Variants in BANK1 observed in about 807,000 individuals in gnomAD.
The protein encoded by BANK1 is B-cell scaffold protein with ankyrin repeats.
BANK1 carries 95 observed loss-of-function variants against 94.5 expected under a neutral mutation model. That is an observed-to-expected ratio of 1.00 (90% confidence interval 0.85 to 1.19). The LOEUF is 1.19. BANK1 is among the 50% of genes most tolerant of loss of function. The pLI is 0.00. For synonymous variants in BANK1, 334 were observed against 308.4 expected, an observed-to-expected ratio of 1.08 and a Z score of -0.87; for missense variants, 987 against 932.2, an observed-to-expected ratio of 1.06 and a Z score of -0.77.
rs546167629 is a variant in BANK1 at position 101,812,209 on chromosome 4, T to A, written c.71-17599T>A. 1.2e-4 allele frequency among the ~76,000 whole-genome samples: 18 copies of A among 152,016 alleles called. 1 individual carries two copies. The highest frequency in any genetic ancestry group is 3.3e-4 in the Admixed American group (5 of 15,282). On this transcript the variant is annotated intron_variant, in intron 1 of 16. Transcript: ENST00000322953. ...GGGTAAAGAAGATTATTCTGTGAAA[T>A]ATAACTGGAATTAGTAAGAAGTTCC...
At chr4:102,008,009 G>T (rs543450408) in intron 7 of BANK1, among the ~76,000 whole-genome samples, 1 of 152,194 alleles carries the variant, frequency 6.6e-6, no homozygotes, top group East Asian at 1.9e-4. Flanking sequence ...ACTTTAAACT[G>T]TAGTCAAATA....
In BANK1 at chr4:102,019,638, G is replaced by A. The variant is rs116746677; in HGVS notation, c.1207-1876G>A. Among the ~76,000 whole-genome samples, 1,462 of 152,224 alleles carry A rather than the reference G, an allele frequency of 9.6e-3. 23 individuals are homozygous for A. Among genetic ancestry groups the A allele is most frequent in the African/African-American group, 0.034 (1,396 of 41,528 alleles). On this transcript the variant is annotated intron_variant, in intron 7 of 16. Transcript: ENST00000322953. ...ACACAGCCAAGGATTAAAATGATTA[G>A]ATGTCAGAATGTCTTCAGACTCATC...
chr4:101,849,170 A>T (rs1382871867), intron 2 of BANK1, among the ~76,000 whole-genome samples: 2 of 152,238 alleles, frequency 1.3e-5, no homozygotes, highest in Non-Finnish European at 2.9e-5. Flanking sequence ...AATTGCAGGT[A>T]GGCCTTTCTC....
chr4:102,065,871 A>T (rs1728574289), intron 13 of BANK1, among the ~76,000 whole-genome samples: 1 of 152,158 alleles, frequency 6.6e-6, no homozygotes, highest in Admixed American at 6.5e-5. Flanking sequence ...ATCCAATTTG[A>T]TTTTCAGAGA....
chr4:101,994,824 G>A (rs192629875), intron 7 of BANK1, among the ~76,000 whole-genome samples: 34 of 152,216 alleles, frequency 2.2e-4, no homozygotes, highest in Non-Finnish European at 4.1e-4. Flanking sequence ...GCACAGAGAA[G>A]TTTCATGGGG....
chr4:102,008,448 A>G (rs1404494416), intron 7 of BANK1, among the ~76,000 whole-genome samples: 3 of 152,272 alleles, frequency 2.0e-5, no homozygotes, highest in African/African-American at 4.8e-5. Flanking sequence ...TGCTAGCTGC[A>G]TAGCACATAT....
chr4:101,949,987 T>G (rs1295798896), intron 7 of BANK1, among the ~76,000 whole-genome samples: 1 of 151,954 alleles, frequency 6.6e-6, no homozygotes, highest in Non-Finnish European at 1.5e-5. Context: ...CAAGGATGCC[T>G]ATAAACTACA....
At chr4:102,047,749 A>G (rs568240096) in intron 11 of BANK1, among the ~76,000 whole-genome samples, 2 of 152,122 alleles carry the variant, frequency 1.3e-5, no homozygotes, top group Non-Finnish European at 2.9e-5. Context: ...AAGAGAAATG[A>G]CGAGTATCAA....
At chr4:102,072,760 A>G (rs1458560906) in intron 15 of BANK1, among the ~76,000 whole-genome samples, 1 of 152,220 alleles carries the variant, frequency 6.6e-6, no homozygotes, top group Non-Finnish European at 1.5e-5. Context: ...CTAGGACATT[A>G]GTAGGGAAAG....
chr4:101,833,232 A>C (rs1397844024), intron 2 of BANK1, among the ~76,000 whole-genome samples: 1 of 152,002 alleles, frequency 6.6e-6, no homozygotes, highest in Non-Finnish European at 1.5e-5. Context: ...ACCCACCTCA[A>C]CCGCCCAAAG....
At chr4:101,840,594 C>T (rs1321161640) in intron 2 of BANK1, among the ~76,000 whole-genome samples, 2 of 152,218 alleles carry the variant, frequency 1.3e-5, no homozygotes, top group Non-Finnish European at 2.9e-5. Flanking sequence ...GATAACTAGC[C>T]TAAGCCCATC....
intron 6 of BANK1, among the ~76,000 whole-genome samples, chr4:101,906,343 CG>C (rs1432499603): frequency 6.6e-6 from 1 of 151,956 alleles, no homozygotes; most frequent in Admixed American, 6.6e-5. Context: ...CCCTGTTGAT[CG>C]GGGGGTATAT....
At chr4:101,931,334 G>T (rs1723333682) in intron 7 of BANK1, among the ~76,000 whole-genome samples, 1 of 151,546 alleles carries the variant, frequency 6.6e-6, no homozygotes, top group Non-Finnish European at 1.5e-5. Context: ...TGAGTTGAGT[G>T]CCTGAATAGA....
At chr4:101,879,666 A>G (rs1449889329) in intron 5 of BANK1, among the ~76,000 whole-genome samples, 3 of 152,182 alleles carry the variant, frequency 2.0e-5, no homozygotes. Flanking sequence ...AATATCTTTG[A>G]TGAATATTGA....
At chr4:101,938,836 A>T in intron 7 of BANK1, among the ~76,000 whole-genome samples, 1 of 151,638 alleles carries the variant, frequency 6.6e-6, no homozygotes, top group East Asian at 2.0e-4. Context: ...AAAGCAAATT[A>T]TCCTCAGTCC....
At chr4:102,007,099 TTATATATATATAAATATATATTTTA>T (rs1560682025) in intron 7 of BANK1, among the ~76,000 whole-genome samples, 1 of 70,546 alleles carries the variant, frequency 1.4e-5, no homozygotes, top group East Asian at 2.7e-4. Context: ...TATAATATAT[TTATATATATATAAATATATATTTTA>T]TATATATATA....
chr4:101,868,090 C>A (rs937211006), intron 4 of BANK1, among the ~76,000 whole-genome samples: 4 of 151,812 alleles, frequency 2.6e-5, no homozygotes, highest in Non-Finnish European at 5.9e-5. Context: ...TATTAAGACA[C>A]GGGTAAATCA....
intron 7 of BANK1, among the ~76,000 whole-genome samples, chr4:101,975,430 C>T (rs1442242767): frequency 6.6e-6 from 1 of 152,116 alleles, no homozygotes; most frequent in African/African-American, 2.4e-5. Flanking sequence ...GAAGCCATTA[C>T]AGTTCATTAG....
At position 102,064,808 on chromosome 4, in the gene BANK1, T is replaced by A. The variant is rs139148161; in HGVS notation, c.2212+1670T>A. ...GGTGGGTCTCATTATGGCCCTGGTC[T>A]CTGCCAGAGGAATATTTCCTGACTA... On this transcript the variant is annotated intron_variant, in intron 13 of 16. Coordinates refer to ENST00000322953, the MANE Select transcript of BANK1 (RefSeq NM_017935.5). 7.8e-4 allele frequency among the ~76,000 whole-genome samples: 119 copies of A among 152,356 alleles called. 1 individual carries two copies. The East Asian group carries it at 0.021, about 27-fold the overall frequency.
Sources: gnomAD v4.1 joint callset for allele counts (sites outside exome capture counted in the v4.1 genomes callset) on GRCh38, gnomAD v4.1.1 for gene constraint, MANE v1.5 for transcripts, NCBI Gene and HGNC (gene_info 2026-07-23, HGNC 2026-07-21) for gene names.